The following MCPH1 variants were observed in gnomAD, a reference collection of about 807,000 sequenced individuals.
The protein encoded by MCPH1 is microcephalin 1.
Under a neutral mutation model 84.5 loss-of-function variants are expected in MCPH1, and 104 were observed. The observed-to-expected ratio is 1.23, with a 90% CI of 1.05 to 1.45. The LOEUF is 1.45. Ranked by LOEUF, MCPH1 falls within the 40% of genes most tolerant of loss-of-function variation. The pLI is 0.00. For missense variants in MCPH1, 1,498 were observed against 1,005.7 expected (o/e 1.49, Z -6.62); for synonymous variants, 514 against 366.8 (o/e 1.40, Z -4.58).
At chr8:6,451,111 T>C (rs1483617893) in intron 8 of MCPH1, among the ~76,000 whole-genome samples, 1 of 152,226 alleles carries the variant, frequency 6.6e-6, no homozygotes, top group Non-Finnish European at 1.5e-5. Flanking sequence ...TATGTTAAAT[T>C]GTTGCACTTT....
intron 12 of MCPH1, among the ~76,000 whole-genome samples, chr8:6,617,490 A>ATATC (rs1830926019): frequency 2.0e-5 from 3 of 151,886 alleles, no homozygotes; most frequent in African/African-American, 7.3e-5. Flanking sequence ...GAGCCTGGTT[A>ATATC]TATCTGAGGT....
At chr8:6,446,346 C>T in intron 8 of MCPH1, 2 of 984,744 alleles carry the variant, frequency 2.0e-6, no homozygotes, top group Non-Finnish European at 2.4e-6. Flanking sequence ...AACGCATTCT[C>T]TCTGCATGAT....
intron 2 of MCPH1, 144 bp from the exon 3 acceptor site, chr8:6,414,621 T>C (rs1383553697): frequency 1.7e-5 from 13 of 765,988 alleles, no homozygotes; most frequent in Non-Finnish European, 8.1e-6. Context: ...CAGATATGTT[T>C]TAAGCAGCGT....
chr8:6,412,901 G>A (rs778890789), intron 2 of MCPH1, among the ~76,000 whole-genome samples: 2 of 152,156 alleles, frequency 1.3e-5, no homozygotes, highest in Non-Finnish European at 2.9e-5. Context: ...AATTCACAAT[G>A]AAAAGAAAGA....
intron 4 of MCPH1, among the ~76,000 whole-genome samples, 199 bp from the exon 5 acceptor site, chr8:6,435,849 C>A (rs1000282186): frequency 6.6e-6 from 1 of 152,150 alleles, no homozygotes; most frequent in African/African-American, 2.4e-5. Flanking sequence ...TTTATACAGT[C>A]TTTTAAATTC....
intron 1 of MCPH1, among the ~76,000 whole-genome samples, chr8:6,407,614 C>T (rs1025606342): frequency 5.3e-5 from 8 of 152,322 alleles, no homozygotes; most frequent in African/African-American, 1.9e-4. Flanking sequence ...AAAGTAAAGA[C>T]TAGAGGCTTT....
chr8:6,565,166 C>G (rs988593433), intron 12 of MCPH1, among the ~76,000 whole-genome samples: 8 of 152,176 alleles, frequency 5.3e-5, no homozygotes, highest in Non-Finnish European at 1.5e-5. Context: ...CTCAGTCTCC[C>G]TAGTCATAAG....
intron 11 of MCPH1, among the ~76,000 whole-genome samples, chr8:6,488,152 G>A (rs566216782): frequency 1.7e-3 from 259 of 152,360 alleles, no homozygotes; most frequent in Admixed American, 5.9e-3. Flanking sequence ...CCTGCAGGCT[G>A]CGGCAGCGTG....
At chr8:6,502,101 A>C (rs985366345) in intron 12 of MCPH1, 1 of 152,184 alleles carries the variant, frequency 6.6e-6, no homozygotes, top group African/African-American at 2.4e-5. Flanking sequence ...ATAAAAATAT[A>C]TCTTACTAGG....
At chr8:6,408,979 G>T (rs1031427568) in intron 1 of MCPH1, among the ~76,000 whole-genome samples, 2 of 151,490 alleles carry the variant, frequency 1.3e-5, no homozygotes, top group African/African-American at 4.9e-5. Context: ...TCTGCCTCCC[G>T]GGTTCAAGTG....
At chr8:6,476,603 T>C (rs527834150) in intron 9 of MCPH1, among the ~76,000 whole-genome samples, 1 of 152,302 alleles carries the variant, frequency 6.6e-6, no homozygotes, top group African/African-American at 2.4e-5. Context: ...GATTCTGTTA[T>C]CTTTCACCCA....
chr8:6,593,846 A>G (rs752571502), intron 12 of MCPH1, among the ~76,000 whole-genome samples: 1 of 152,218 alleles, frequency 6.6e-6, no homozygotes, highest in Non-Finnish European at 1.5e-5. Context: ...AAAGATTGAG[A>G]TCATTCCACA....
intron 12 of MCPH1, among the ~76,000 whole-genome samples, chr8:6,542,618 T>G (rs1210782974): frequency 6.6e-6 from 1 of 151,908 alleles, no homozygotes; most frequent in Non-Finnish European, 1.5e-5. Context: ...AAAAGTGCTG[T>G]CTGAGGAGCA....
chr8:6,411,516 T>G (rs1010852075), intron 2 of MCPH1, among the ~76,000 whole-genome samples: 5 of 152,206 alleles, frequency 3.3e-5, no homozygotes, highest in African/African-American at 9.7e-5. Context: ...GTGAAAGTTC[T>G]CCACTTTAAG....
chr8:6,429,758 CA>C lies in MCPH1; in HGVS notation c.234-1739del, dbSNP rs142744460. Reference sequence around the variant, plus strand: ...GATTCCCCCTCCCCATCTTAGTCCCCAACTGCCTTTGCTGAATCTTTAGCGT... The same window carrying C: ...GATTCCCCCTCCCCATCTTAGTCCCCACTGCCTTTGCTGAATCTTTAGCGT... On this transcript the variant is annotated intron_variant, in intron 3 of 13. Transcript: ENST00000344683. Among the ~76,000 whole-genome samples the C allele has an allele frequency of 6.1e-3, 933 of 152,120 alleles. 16 individuals carry two copies. The highest frequency in any genetic ancestry group is 0.022 in the African/African-American group (898 of 41,462).
intron 12 of MCPH1, among the ~76,000 whole-genome samples, chr8:6,529,398 A>C (rs903322325): frequency 2.0e-5 from 3 of 152,086 alleles, no homozygotes; most frequent in African/African-American, 7.2e-5. Context: ...ACCTTCAAAC[A>C]GAGTGGGTAC....
chr8:6,450,038 C>G (rs1804913630), intron 8 of MCPH1, among the ~76,000 whole-genome samples: 1 of 152,148 alleles, frequency 6.6e-6, no homozygotes, highest in African/African-American at 2.4e-5. Context: ...GGGTTTGATA[C>G]AGATTTTCTT....
chr8:6,622,405 C>T (rs780855740), intron 13 of MCPH1, among the ~76,000 whole-genome samples: 7 of 152,126 alleles, frequency 4.6e-5, no homozygotes, highest in South Asian at 2.1e-4. Context: ...GAAGCAAGGA[C>T]GGCCTGGGGA....
In MCPH1 at chr8:6,439,105, T is replaced by G. The variant is rs1438541417; in HGVS notation, c.580+9T>G. 6.2e-7 allele frequency: 1 copy of G among 1,611,842 alleles called. No individual in the cohort carries two copies. The highest frequency in any genetic ancestry group is 8.5e-7 in the Non-Finnish European group (1 of 1,178,990). Reference sequence around the variant, plus strand: ...AAATCTTTCCCCCACCTGTAAGTAATTAGTTTGTAAAATGAAAATTATGCA... The same window carrying G: ...AAATCTTTCCCCCACCTGTAAGTAAGTAGTTTGTAAAATGAAAATTATGCA... On this transcript the variant is annotated intron_variant, in intron 6 of 13. Coordinates refer to ENST00000344683, the MANE Select transcript of MCPH1 (RefSeq NM_024596.5).
Sources: gnomAD v4.1 joint callset for allele counts (sites outside exome capture counted in the v4.1 genomes callset) on GRCh38, gnomAD v4.1.1 for gene constraint, MANE v1.5 for transcripts, NCBI Gene and HGNC (gene_info 2026-07-23, HGNC 2026-07-21) for gene names.